Variants in NBAS observed in about 807,000 individuals in gnomAD.
NBAS encodes the protein NAG/BC035112 fusion.
NBAS carries 219 observed loss-of-function variants against 302.5 expected under a neutral mutation model. The ratio of observed to expected loss-of-function variants is 0.72; its 90% CI spans 0.65 to 0.81. The LOEUF is 0.81. NBAS is among the 30% of genes least tolerant of loss of function. The pLI, the probability that NBAS is intolerant of heterozygous loss-of-function variation, is 0.00. For synonymous variants in NBAS, 1,118 were observed against 1,021.6 expected, an observed-to-expected ratio of 1.09 and a Z score of -1.80; for missense variants, 2,932 against 2,841.6, an observed-to-expected ratio of 1.03 and a Z score of -0.72.
At chr2:15,481,007 C>A (rs566000242) in intron 12 of NBAS, among the ~76,000 whole-genome samples, 1 of 152,324 alleles carries the variant, frequency 6.6e-6, no homozygotes, top group Non-Finnish European at 1.5e-5. Flanking sequence ...ACCCCAGGAA[C>A]CACCAATCTG....
intron 12 of NBAS, among the ~76,000 whole-genome samples, chr2:15,481,679 A>G (rs1267365955): frequency 6.6e-6 from 1 of 152,132 alleles, no homozygotes; most frequent in Non-Finnish European, 1.5e-5. Flanking sequence ...TGGAGCTCAG[A>G]ACACAATACC....
chr2:14,806,470 A>C, the NBAS span, among the ~76,000 whole-genome samples: 1 of 152,188 alleles, frequency 6.6e-6, no homozygotes, highest in Non-Finnish European at 1.5e-5. Context: ...TTATTGTGAT[A>C]AGCTTAGTTC....
rs114374188 is a variant in NBAS, at chr2:15,400,991, A to T, written c.3071+1177T>A. On this transcript the variant is annotated intron_variant, in intron 26 of 51. Coordinates refer to ENST00000281513, the MANE Select transcript of NBAS (RefSeq NM_015909.4). ...AGACTCAGGGTAAACAACTTTAGCA[A>T]AAATATTTCTTAAGGGATGCTGTAA... Among the ~76,000 whole-genome samples the T allele has an allele frequency of 6.7e-3, 1,023 of 152,302 alleles. 12 individuals are homozygous for T. The highest frequency in any genetic ancestry group is 0.022 in the African/African-American group (923 of 41,544).
At chr2:14,874,966 AAAC>A in the NBAS span, among the ~76,000 whole-genome samples, 1 of 152,144 alleles carries the variant, frequency 6.6e-6, no homozygotes, top group African/African-American at 2.4e-5. Flanking sequence ...TTCATGATAG[AAAC>A]TGAGAGAACT....
the NBAS span, among the ~76,000 whole-genome samples, chr2:14,836,856 T>C: frequency 6.6e-6 from 1 of 151,850 alleles, no homozygotes; most frequent in Non-Finnish European, 1.5e-5. Context: ...TATTCATTAA[T>C]TTCTCCCAAA....
the NBAS span, among the ~76,000 whole-genome samples, chr2:15,087,223 A>AACACACACACACAC: frequency 5.6e-5 from 8 of 143,292 alleles, no homozygotes; most frequent in African/African-American, 2.1e-4. Context: ...TTTTTATACA[A>AACACACACACACAC]ACACACACAC....
chr2:15,389,715 C>G (rs1675493619), intron 28 of NBAS, among the ~76,000 whole-genome samples: 1 of 152,186 alleles, frequency 6.6e-6, no homozygotes, highest in Non-Finnish European at 1.5e-5. Context: ...TACTGGACAT[C>G]AGGCAATGAA....
the NBAS span, among the ~76,000 whole-genome samples, chr2:14,850,130 T>A: frequency 1.5e-5 from 2 of 135,076 alleles, no homozygotes; most frequent in Non-Finnish European, 3.0e-5. Context: ...AGGCACAGAC[T>A]GGCAAATTGG....
chr2:15,203,174 T>C lies in NBAS; in HGVS notation c.6433-12771A>G, dbSNP rs529516460. Among the ~76,000 whole-genome samples, 7 of 152,314 alleles carry C rather than the reference T, an allele frequency of 4.6e-5. No homozygotes were observed. In the South Asian group the frequency reaches 1.2e-3, roughly 27 times the overall value. The stretch of plus-strand genomic sequence containing the variant: ...ATACACCTTTACATGTGTCTAACAC[T>C]GAGTTAACACTGAGCATCTATGGTA... On this transcript the variant is annotated intron_variant, in intron 48 of 51. Coordinates refer to ENST00000281513, the MANE Select transcript of NBAS (RefSeq NM_015909.4).
chr2:15,441,301 G>A (rs964634266), intron 21 of NBAS, among the ~76,000 whole-genome samples: 39 of 152,182 alleles, frequency 2.6e-4, no homozygotes, highest in African/African-American at 8.4e-4. Context: ...GACTAACAGC[G>A]GATCTCTCGG....
intron 49 of NBAS, among the ~76,000 whole-genome samples, chr2:15,189,204 G>A (rs1411154708): frequency 1.3e-5 from 2 of 152,154 alleles, no homozygotes; most frequent in Admixed American, 6.5e-5. Context: ...GCATGCCATC[G>A]CTGCCACAAA....
intron 12 of NBAS, among the ~76,000 whole-genome samples, chr2:15,483,749 T>A (rs1475141345): frequency 6.6e-6 from 1 of 152,146 alleles, no homozygotes; most frequent in Non-Finnish European, 1.5e-5. Context: ...AAGCATATTA[T>A]AAAAACTAAT....
chr2:14,915,368 C>T, the NBAS span, among the ~76,000 whole-genome samples: 44 of 152,164 alleles, frequency 2.9e-4, no homozygotes, highest in African/African-American at 1.0e-3. Flanking sequence ...CTGCTTCTCC[C>T]TTATGAGCTG....
intron 44 of NBAS, among the ~76,000 whole-genome samples, chr2:15,267,180 T>TATGC (rs1316836468): frequency 6.6e-6 from 1 of 152,226 alleles, no homozygotes; most frequent in African/African-American, 2.4e-5. Flanking sequence ...GTTCATTCAA[T>TATGC]ATGCATGCAT....
rs1184744402 is a variant in NBAS, at chr2:15,396,412, C to T, written c.3134+1G>A. 1 of 1,604,240 alleles carries T rather than the reference C, an allele frequency of 6.2e-7. No homozygotes were observed. The highest frequency in any genetic ancestry group is 1.3e-5 in the African/African-American group (1 of 74,356). On this transcript the variant is annotated splice_donor_variant, in intron 27 of 51. Coordinates refer to ENST00000281513, the MANE Select transcript of NBAS (RefSeq NM_015909.4). LOFTEE classifies it high-confidence loss of function. ...AAAAAAAAAACTGTCATTTTTCTCA[C>T]CTGAGAATTTGTTCCAGTTGGTCTA...
intron 25 of NBAS, among the ~76,000 whole-genome samples, chr2:15,413,061 C>T (rs556842291): frequency 2.0e-5 from 3 of 152,330 alleles, no homozygotes; most frequent in Admixed American, 6.5e-5. Context: ...TTCAAAACAA[C>T]TTGCGTAACC....
At chr2:14,992,728 G>C in the NBAS span, among the ~76,000 whole-genome samples, 2 of 152,120 alleles carry the variant, frequency 1.3e-5, no homozygotes, top group Non-Finnish European at 2.9e-5. Flanking sequence ...ATCCATGCAG[G>C]CATGAGTGAG....
intron 44 of NBAS, among the ~76,000 whole-genome samples, chr2:15,256,368 G>T (rs1344175810): frequency 6.6e-6 from 1 of 151,996 alleles, no homozygotes; most frequent in Non-Finnish European, 1.5e-5. Flanking sequence ...CTTGGTCATT[G>T]TTGTTGCATA....
chr2:15,098,538 A>C, the NBAS span, among the ~76,000 whole-genome samples: 1 of 126,428 alleles, frequency 7.9e-6, no homozygotes, highest in African/African-American at 3.1e-5. Flanking sequence ...TATATTATGT[A>C]TTGTATATAA....
Sources: allele counts gnomAD v4.1 joint callset (sites outside exome capture counted in the v4.1 genomes callset), GRCh38; gene constraint gnomAD v4.1.1; transcripts MANE v1.5; gene names NCBI Gene and HGNC (gene_info 2026-07-23, HGNC 2026-07-21).